DNAH7: variants seen among roughly 807,000 people sequenced by gnomAD.
DNAH7 encodes the protein dynein axonemal heavy chain 7, also known as axonemal beta dynein heavy chain 7.
DNAH7 carries 397 observed loss-of-function variants against 444.6 expected under a neutral mutation model. That is an observed-to-expected ratio of 0.89 (90% CI 0.82 to 0.97). The LOEUF (loss-of-function observed/expected upper bound fraction) is 0.97, where lower values mean the gene tolerates loss of function less well. DNAH7 is among the 50% of genes least tolerant of loss of function. The pLI, the probability that DNAH7 is intolerant of heterozygous loss-of-function variation, is 0.00. For synonymous variants in DNAH7, 1,636 were observed against 1,624.4 expected (o/e 1.01, Z -0.17); for missense variants, 4,902 against 4,800.8 (o/e 1.02, Z -0.62).
At chr2:195,910,422 T>C (rs1381843956) in intron 24 of DNAH7, among the ~76,000 whole-genome samples, 2 of 152,226 alleles carry the variant, frequency 1.3e-5, no homozygotes, top group African/African-American at 2.4e-5. Context: ...ACAAATTCAC[T>C]TTTGAAATTT....
At chr2:196,036,347 G>A (rs1381713266) in intron 5 of DNAH7, among the ~76,000 whole-genome samples, 2 of 151,906 alleles carry the variant, frequency 1.3e-5, no homozygotes, top group Admixed American at 6.6e-5. Context: ...ACATTCTTAA[G>A]GCCCCACTGA....
Position 195,906,643 on chromosome 2 carries a change from A to G in DNAH7, c.4335+16T>C, listed in dbSNP as rs766841186. 5.6e-6 allele frequency: 9 copies of G among 1,606,072 alleles called. No individual in the cohort carries two copies. Among genetic ancestry groups the G allele is most frequent in the South Asian group, 5.6e-5 (5 of 89,782 alleles). On this transcript the variant is annotated intron_variant, in intron 27 of 64. Transcript: ENST00000312428. ...TTATAGAGAAGAAATAGATTATATA[A>G]TAACTCCTTCCATACCTTCAGGTTA...
intron 55 of DNAH7, among the ~76,000 whole-genome samples, chr2:195,797,677 C>T (rs147681166): frequency 1.4e-4 from 22 of 152,312 alleles, no homozygotes; most frequent in South Asian, 8.3e-4. Flanking sequence ...CAATAGCCAA[C>T]GCCCTTACTA....
intron 36 of DNAH7, among the ~76,000 whole-genome samples, chr2:195,877,796 A>G (rs1701147265): frequency 6.6e-6 from 1 of 152,226 alleles, no homozygotes; most frequent in Non-Finnish European, 1.5e-5. Flanking sequence ...AGCAGGAGCT[A>G]CCTTTTTAAA....
At chr2:195,773,841 G>A (rs1694948853) in intron 60 of DNAH7, among the ~76,000 whole-genome samples, 1 of 152,146 alleles carries the variant, frequency 6.6e-6, no homozygotes, top group African/African-American at 2.4e-5. Context: ...ACAAGCAAAG[G>A]AGCTCTGCAC....
At chr2:195,984,324 A>G (rs1478980284) in intron 15 of DNAH7, among the ~76,000 whole-genome samples, 1 of 152,150 alleles carries the variant, frequency 6.6e-6, no homozygotes, top group African/African-American at 2.4e-5. Context: ...GTATTTTGAA[A>G]GTCATTATTA....
chr2:195,887,850 T>C (rs1701794916), intron 33 of DNAH7, among the ~76,000 whole-genome samples: 1 of 142,944 alleles, frequency 7.0e-6, no homozygotes, highest in Non-Finnish European at 1.5e-5. Flanking sequence ...CTCCCCAGTG[T>C]GTACTGAAAG....
intron 49 of DNAH7, among the ~76,000 whole-genome samples, chr2:195,819,002 C>T (rs1697347214): frequency 6.6e-6 from 1 of 152,024 alleles, no homozygotes; most frequent in African/African-American, 2.4e-5. Flanking sequence ...TCCCACTACT[C>T]CCATTCACAT....
At chr2:196,064,876 T>C (rs116769990) in intron 1 of DNAH7, among the ~76,000 whole-genome samples, 2,376 of 152,298 alleles carry the variant, frequency 0.016, 55 homozygotes, top group African/African-American at 0.054. Context: ...TTACAAAAGA[T>C]GTCTCAGCGA....
intron 2 of DNAH7, among the ~76,000 whole-genome samples, chr2:196,057,844 C>T (rs1421596645): frequency 2.0e-5 from 3 of 152,310 alleles, no homozygotes; most frequent in East Asian, 3.9e-4. Context: ...CCATCCTGTA[C>T]ATACCTGAAA....
At position 195,861,742 on chromosome 2, in the gene DNAH7, T is replaced by A; in HGVS notation, c.7711A>T (p.Lys2571Ter). ...TSYLELISTF[K>*]LLLEKKRSEV... ...CTTCTTTTCTTTTCTAACAACAGTT[T>A]GAAGGTGGAGATTAATTCGAGGTAA... Residue 2571 changes from lysine to a stop codon, truncating the protein, a stop_gained, in exon 42 of 65, where the codon AAA (lysine) becomes TAA (stop). Coordinates refer to ENST00000312428, the MANE Select transcript of DNAH7 (RefSeq NM_018897.3). LOFTEE classifies it high-confidence loss of function. 6.2e-7 allele frequency: 1 copy of A among 1,611,810 alleles called. No individual in the cohort carries two copies. The highest frequency in any genetic ancestry group is 8.5e-7 in the Non-Finnish European group (1 of 1,178,194).
intron 28 of DNAH7, among the ~76,000 whole-genome samples, chr2:195,899,652 A>C (rs1686574802): frequency 6.6e-6 from 1 of 152,196 alleles, no homozygotes; most frequent in Admixed American, 6.5e-5. Context: ...TCTTCTACAA[A>C]TCATGAATGT....
At chr2:195,878,719 A>G (rs1158010743) in intron 36 of DNAH7, among the ~76,000 whole-genome samples, 1 of 152,248 alleles carries the variant, frequency 6.6e-6, no homozygotes, top group Non-Finnish European at 1.5e-5. Flanking sequence ...CATAATAAAC[A>G]TAAATAGTTC....
chr2:195,827,433 A>T (rs1697821821), intron 48 of DNAH7, among the ~76,000 whole-genome samples: 1 of 151,414 alleles, frequency 6.6e-6, no homozygotes, highest in Non-Finnish European at 1.5e-5. Context: ...GGGTACCATC[A>T]CACCCAGCTA....
chr2:195,889,257 CCTTT>C (rs1486624697), intron 31 of DNAH7, among the ~76,000 whole-genome samples: 13 of 151,628 alleles, frequency 8.6e-5, no homozygotes, highest in African/African-American at 2.7e-4. Flanking sequence ...TTCCTTCCTT[CCTTT>C]CTTTCCTCCC....
Position 195,845,484 on chromosome 2 carries a change from T to A in DNAH7, c.8782-319A>T, listed in dbSNP as rs545518560. 4.8e-4 allele frequency among the ~76,000 whole-genome samples: 73 copies of A among 152,282 alleles called. 1 individual carries two copies. Among genetic ancestry groups the A allele is most frequent in the African/African-American group, 1.6e-3 (66 of 41,564 alleles). On this transcript the variant is annotated intron_variant, in intron 46 of 64. Transcript: ENST00000312428. ...AAGGCTACTCCTATCAAACTACCAA[T>A]GACATTTTTCACAGAATTTGGAAAA...
At chr2:196,020,190 TTTATG>T (rs1209742427) in intron 8 of DNAH7, among the ~76,000 whole-genome samples, 6 of 152,194 alleles carry the variant, frequency 3.9e-5, no homozygotes, top group Non-Finnish European at 7.3e-5. Flanking sequence ...TAATTGGCTG[TTTATG>T]TTATCAGTAA....
At chr2:195,927,554 G>A (rs759455630) in intron 21 of DNAH7, among the ~76,000 whole-genome samples, 43 of 151,714 alleles carry the variant, frequency 2.8e-4, no homozygotes, top group Non-Finnish European at 4.9e-4. Context: ...AAAAATAGGC[G>A]TAGCAGAGAA....
In DNAH7 at chr2:196,026,762, A is replaced by G. The variant is rs751364680; in HGVS notation, c.665T>C (p.Ile222Thr). The change falls in exon 7 of 65, where the codon ATA (isoleucine) becomes ACA (threonine). Residue 222 changes from isoleucine to threonine, a missense_variant and splice_region_variant. By Grantham distance (89) the Ile-to-Thr change is moderately conservative (BLOSUM62 -1). Transcript: ENST00000312428. ...ATCAAAGCATAATACCAATTTACCT[A>G]TGGATTTCCTTACACTAAGAAGATA... Reference protein sequence around the residue: ...EDYLLSVRKSIVDFVLKDPRE... With the variant: ...EDYLLSVRKSTVDFVLKDPRE... The G allele has an allele frequency of 1.2e-6, 2 of 1,601,958 alleles. No homozygotes were observed. The highest frequency in any genetic ancestry group is 1.1e-5 in the South Asian group (1 of 89,822).
Sources: gnomAD v4.1 joint callset for allele counts (sites outside exome capture counted in the v4.1 genomes callset) on GRCh38, gnomAD v4.1.1 for gene constraint, MANE v1.5 for transcripts, NCBI Gene and HGNC (gene_info 2026-07-23, HGNC 2026-07-21) for gene names.